Variants in LMNA observed in about 807,000 individuals in gnomAD.
The protein encoded by LMNA is lamin A/C, also known as lamin.
LMNA carries 20 observed loss-of-function variants against 70.4 expected under a neutral mutation model. The ratio of observed to expected loss-of-function variants is 0.28; its 90% confidence interval spans 0.20 to 0.41. LMNA has a LOEUF of 0.41. LMNA is among the 10% of genes least tolerant of loss of function. The pLI is 1.00. For missense variants in LMNA, 652 were observed against 917.2 expected (o/e 0.71, Z 3.73); for synonymous variants, 339 against 372.8 (o/e 0.91, Z 1.04).
At chr1:156,124,469 A>C (rs1558121697) in intron 1 of LMNA, among the ~76,000 whole-genome samples, 1 of 152,064 alleles carries the variant, frequency 6.6e-6, no homozygotes, top group African/African-American at 2.4e-5. Flanking sequence ...TTGTATTTTT[A>C]GTAGAAATGG....
chr1:156,107,137 C>A (rs987592890), intron 3 of LMNA, among the ~76,000 whole-genome samples: 1 of 152,188 alleles, frequency 6.6e-6, no homozygotes, highest in African/African-American at 2.4e-5. Flanking sequence ...TGCCTGTGCA[C>A]CTCAAAGAAA....
chr1:156,112,338 A>G (rs1433081306), upstream of LMNA, among the ~76,000 whole-genome samples: 1 of 152,152 alleles, frequency 6.6e-6, no homozygotes, highest in Admixed American at 6.5e-5. Flanking sequence ...GTGAGCTATG[A>G]TCCTGCCACC....
chr1:156,135,444 A>G lies in LMNA; in HGVS notation c.936+132A>G. On this transcript the variant is annotated intron_variant, in intron 5 of 11. Transcript: ENST00000368300. This position sits in a 1 kb window ranked among gnomAD's most constrained non-coding sequence, Gnocchi z 4.8. ...GGAGAGGGATGAAAAGTGTCCCCAC[A>G]ACCACAGAGAAGGGTCGCAGGATGT... 1 of 1,182,476 alleles carries G rather than the reference A, an allele frequency of 8.5e-7. No individual in the cohort carries two copies. 73.2% of individuals were successfully genotyped at this position (1,182,476 alleles called of 1,614,324 possible). A position where few individuals can be genotyped will look rare whatever the true frequency, so the allele number is the denominator to read the frequency against.
Position 156,136,740 on chromosome 1 carries a change from G to T in LMNA, c.1381-181G>T. 1.4e-6 allele frequency: 1 copy of T among 701,310 alleles called. No homozygotes were observed. The highest frequency in any genetic ancestry group is 2.7e-5 in the East Asian group (1 of 37,116). The allele number at this position is 701,310 out of a possible 1,614,324, so 43.4% of individuals were successfully genotyped here. A position where few individuals can be genotyped will look rare whatever the true frequency, so the allele number is the denominator to read the frequency against. ...AAGATAAGGTATCCGTGTGCCTGGT[G>T]CTGCGTATGTGTCCACAGATCATGG... On this transcript the variant is annotated intron_variant, in intron 7 of 11. Transcript: ENST00000368300. The surrounding 1 kb of genome is among the most constrained non-coding windows in gnomAD (Gnocchi z 6.1).
chr1:156,126,686 TCCTCTCTGTTCCCCTCCCCAC>T, intron 1 of LMNA: 6 of 1,491,756 alleles, frequency 4.0e-6, no homozygotes, highest in Non-Finnish European at 4.6e-6. Flanking sequence ...CTTATTCTTT[TCCTCTCTGTTCCCCTCCCCAC>T]CCCCTCTCTT....
At chr1:156,111,394 A>G (rs565489354), upstream of LMNA, among the ~76,000 whole-genome samples, 29 of 151,656 alleles carry the variant, frequency 1.9e-4, no homozygotes, top group Non-Finnish European at 3.1e-4. Flanking sequence ...GGTTGCAGTG[A>G]GCTGAGATTG....
Position 156,115,663 on chromosome 1 carries a change from G to C in LMNA, c.356+389G>C, listed in dbSNP as rs1486655610. On this transcript the variant is annotated intron_variant, in intron 1 of 11. Transcript: ENST00000368300. The surrounding 1 kb of genome is among the most constrained non-coding windows in gnomAD (Gnocchi z 5.8). Reference sequence around the variant, plus strand: ...GAACTCTGGGCACCCAGGACACATCGGAGTGGCAGAAAGGGTCCTGTTAGA... The same window carrying C: ...GAACTCTGGGCACCCAGGACACATCCGAGTGGCAGAAAGGGTCCTGTTAGA... Among the ~76,000 whole-genome samples, 1 of 152,242 alleles carries C rather than the reference G, an allele frequency of 6.6e-6. No individual in the cohort carries two copies. The highest frequency in any genetic ancestry group is 1.5e-5 in the Non-Finnish European group (1 of 68,044).
At chr1:156,100,313 G>A (rs917251985) in intron 3 of LMNA, among the ~76,000 whole-genome samples, 2 of 152,098 alleles carry the variant, frequency 1.3e-5, no homozygotes, top group African/African-American at 2.4e-5. Context: ...AACTTTTATC[G>A]AGGTCTAGTG....
chr1:156,132,844 T>C (rs1333605201), intron 2 of LMNA, among the ~76,000 whole-genome samples: 1 of 148,472 alleles, frequency 6.7e-6, no homozygotes, highest in Non-Finnish European at 1.5e-5. Context: ...TCTCTTTTTT[T>C]TTTTTTTTTT....
chr1:156,126,388 G>C (rs896622101), intron 1 of LMNA, among the ~76,000 whole-genome samples: 2 of 152,204 alleles, frequency 1.3e-5, no homozygotes, highest in East Asian at 1.9e-4. Flanking sequence ...CTCTCCCTCC[G>C]GGCCTAGCCT....
intron 2 of LMNA, among the ~76,000 whole-genome samples, chr1:156,084,036 G>A (rs543373950): frequency 2.0e-5 from 3 of 152,208 alleles, no homozygotes; most frequent in South Asian, 4.2e-4. Context: ...TTGAGGGCTC[G>A]AGGTCAGACT....
At chr1:156,113,265 C>T (rs1405639445), upstream of LMNA, among the ~76,000 whole-genome samples, 1 of 152,052 alleles carries the variant, frequency 6.6e-6, no homozygotes, top group Non-Finnish European at 1.5e-5. Context: ...GATCATGCCA[C>T]TGCACTCCAG....
At chr1:156,099,011 G>A (rs1205983854) in intron 3 of LMNA, among the ~76,000 whole-genome samples, 2 of 152,136 alleles carry the variant, frequency 1.3e-5, no homozygotes, top group Non-Finnish European at 2.9e-5. Flanking sequence ...TCCTCATGAT[G>A]GGCAATTAGG....
At chr1:156,108,458 A>G (rs915179) in intron 3 of LMNA, among the ~76,000 whole-genome samples, 74,108 of 151,896 alleles carry the variant, frequency 0.49, 19,289 homozygotes, top group East Asian at 0.79. Context: ...TTGGCTTTCC[A>G]ATTCAGGCAA....
chr1:156,092,136 T>G (rs896091728), intron 3 of LMNA, among the ~76,000 whole-genome samples: 1 of 151,710 alleles, frequency 6.6e-6, no homozygotes, highest in Non-Finnish European at 1.5e-5. Flanking sequence ...CAGACTGGTC[T>G]CAAACTCCTG....
At chr1:156,128,105 T>A (rs774489022) in intron 1 of LMNA, among the ~76,000 whole-genome samples, 18 of 152,190 alleles carry the variant, frequency 1.2e-4, no homozygotes, top group Non-Finnish European at 2.2e-4. Flanking sequence ...CTGTGCCTAT[T>A]TCCTCAATTG....
At chr1:156,112,880 G>A (rs1229662142), upstream of LMNA, among the ~76,000 whole-genome samples, 3 of 152,194 alleles carry the variant, frequency 2.0e-5, no homozygotes, top group South Asian at 4.1e-4. Flanking sequence ...TCTTGGAGCT[G>A]TACAAGGTAG....
At position 156,115,306 on chromosome 1, in the gene LMNA, G is replaced by C. The variant is rs1325230937; in HGVS notation, c.356+32G>C. 2 of 1,572,494 alleles carry C rather than the reference G, an allele frequency of 1.3e-6. No homozygotes were observed. The highest frequency in any genetic ancestry group is 1.7e-6 in the Non-Finnish European group (2 of 1,163,066). ...TCGCCCAGGTGGCTGCGTGCCTGGC[G>C]GGGAGTGGAGAGGGCGGCGGGCCGG... On this transcript the variant is annotated intron_variant, in intron 1 of 11. Coordinates refer to ENST00000368300, the MANE Select transcript of LMNA (RefSeq NM_170707.4). This position sits in a 1 kb window ranked among gnomAD's most constrained non-coding sequence, Gnocchi z 5.8.
chr1:156,137,042 C>T lies in LMNA; in HGVS notation c.1488+14C>T, dbSNP rs377700689. 1.4e-4 allele frequency: 219 copies of T among 1,613,952 alleles called. No individual in the cohort carries two copies. The highest frequency in any genetic ancestry group is 1.7e-4 in the African/African-American group (13 of 74,910). ...CAGGTGGTGACGGTGAGTGGCAGGG[C>T]GCTTGGGACTCTGGGGAGGCCTTGG... On this transcript the variant is annotated intron_variant, in intron 8 of 11. Coordinates refer to ENST00000368300, the MANE Select transcript of LMNA (RefSeq NM_170707.4). This position sits in a 1 kb window ranked among gnomAD's most constrained non-coding sequence, Gnocchi z 4.6.
Sources: allele counts gnomAD v4.1 joint callset (sites outside exome capture counted in the v4.1 genomes callset), GRCh38; gene constraint gnomAD v4.1.1; non-coding constraint Gnocchi (gnomAD v3.1); transcripts MANE v1.5; gene names NCBI Gene and HGNC (gene_info 2026-07-23, HGNC 2026-07-21).